The following VAV2 variants were observed in gnomAD, a reference collection of about 807,000 sequenced individuals.
VAV2 encodes guanine nucleotide exchange factor VAV2.
In VAV2, 67 loss-of-function variants were observed where a neutral mutation model predicts 132.5. That is an observed-to-expected ratio of 0.51 (90% CI 0.42 to 0.62). The LOEUF (loss-of-function observed/expected upper bound fraction) is 0.62, where lower values mean the gene tolerates loss of function less well. Among genes scored for constraint, VAV2 ranks in the 20% least tolerant of loss-of-function variants. The pLI is 0.00. For synonymous variants in VAV2, 492 were observed against 443.5 expected (o/e 1.11, Z -1.37); for missense variants, 938 against 1,153.6 (o/e 0.81, Z 2.71).
At chr9:133,964,030 T>TAC (rs1208073515) in intron 1 of VAV2, among the ~76,000 whole-genome samples, 1 of 80,970 alleles carries the variant, frequency 1.2e-5, no homozygotes, top group Non-Finnish European at 2.6e-5. Context: ...TTCATATATA[T>TAC]ATATATATAT....
intron 26 of VAV2, among the ~76,000 whole-genome samples, chr9:133,771,186 C>T (rs1473302540): frequency 1.3e-5 from 2 of 151,554 alleles, no homozygotes; most frequent in Non-Finnish European, 2.9e-5. Context: ...GCCTCAGCCT[C>T]CCAAGTAGGG....
intron 2 of VAV2, among the ~76,000 whole-genome samples, chr9:133,922,765 G>A (rs1259020760): frequency 1.3e-5 from 2 of 152,092 alleles, no homozygotes; most frequent in African/African-American, 2.4e-5. Flanking sequence ...CAAAAACATA[G>A]GGGAAAAGTT....
chr9:133,799,010 CTG>C (rs1834829337), intron 9 of VAV2, among the ~76,000 whole-genome samples: 1 of 152,234 alleles, frequency 6.6e-6, no homozygotes, highest in African/African-American at 2.4e-5. Context: ...ATCATGAGAG[CTG>C]CTTTGCCGTA....
chr9:133,942,945 C>T (rs1036664514), intron 1 of VAV2, among the ~76,000 whole-genome samples: 2 of 152,230 alleles, frequency 1.3e-5, no homozygotes, highest in African/African-American at 4.8e-5. Flanking sequence ...GGCTCCACCT[C>T]GAGGGAGGCC....
chr9:133,782,560 TC>T, intron 19 of VAV2, among the ~76,000 whole-genome samples: 1 of 152,294 alleles, frequency 6.6e-6, no homozygotes, highest in Admixed American at 6.5e-5. Context: ...TAACCATTGA[TC>T]TAAAATCACA....
chr9:133,766,138 C>G (rs1265938424), intron 29 of VAV2, among the ~76,000 whole-genome samples: 1 of 152,002 alleles, frequency 6.6e-6, no homozygotes, highest in Non-Finnish European at 1.5e-5. Flanking sequence ...AATGGGGAGC[C>G]CTGGGAAAGG....
At chr9:133,898,573 G>A (rs537579380) in intron 2 of VAV2, among the ~76,000 whole-genome samples, 10 of 152,126 alleles carry the variant, frequency 6.6e-5, no homozygotes, top group South Asian at 2.1e-4. Flanking sequence ...CAGCCTGGGC[G>A]ACACAGCGAG....
chr9:133,908,539 A>G (rs1264503119), intron 2 of VAV2, among the ~76,000 whole-genome samples: 2 of 103,818 alleles, frequency 1.9e-5, no homozygotes, highest in Non-Finnish European at 4.0e-5. Flanking sequence ...CCTGGTGTCC[A>G]CCCCCAGCCC....
Position 133,770,463 on chromosome 9 carries a change from C to G in VAV2, c.2262G>C (p.Glu754Asp), listed in dbSNP as rs762875117. The change falls in exon 27 of 30, where the codon GAG (glutamate) becomes GAC (aspartate). Residue 754 changes from glutamate to aspartate, a missense_variant. By Grantham distance (45) the Glu-to-Asp change is conservative. Coordinates refer to ENST00000371850, the MANE Select transcript of VAV2 (RefSeq NM_001134398.2). ...GTGTGGTGTCCAGCTGCTTGAAGCT[C>G]TCCTTCAGTGAGTGGCACTGGTAGT... ...VEYYQCHSLKESFKQLDTTLK... is the reference protein window; with the variant it reads ...VEYYQCHSLKDSFKQLDTTLK... The G allele has an allele frequency of 6.2e-7, 1 of 1,614,012 alleles. No individual in the cohort carries two copies. The highest frequency in any genetic ancestry group is 1.3e-5 in the African/African-American group (1 of 74,932).
chr9:133,807,477 G>T, intron 7 of VAV2, 151 bp from the exon 8 acceptor site: 2 of 741,904 alleles, frequency 2.7e-6, no homozygotes, highest in Non-Finnish European at 2.1e-6. Context: ...GCCACATCGG[G>T]CTCCATTCTT....
intron 2 of VAV2, among the ~76,000 whole-genome samples, chr9:133,937,298 G>T (rs1188512182): frequency 6.6e-6 from 1 of 152,082 alleles, no homozygotes; most frequent in African/African-American, 2.4e-5. Flanking sequence ...GAATGTGTGT[G>T]TGTTAAGTTG....
At chr9:133,856,994 C>T (rs960560824) in intron 3 of VAV2, among the ~76,000 whole-genome samples, 7 of 152,172 alleles carry the variant, frequency 4.6e-5, no homozygotes, top group African/African-American at 1.2e-4. Context: ...AGAGCAACCC[C>T]GCGAGGCAGA....
chr9:133,860,352 T>C (rs1588279715), intron 3 of VAV2, among the ~76,000 whole-genome samples: 1 of 151,928 alleles, frequency 6.6e-6, no homozygotes, highest in East Asian at 1.9e-4. Context: ...AAAACCTCAA[T>C]TCAAAGGAAT....
intron 3 of VAV2, among the ~76,000 whole-genome samples, chr9:133,838,050 G>C (rs1342721736): frequency 6.6e-6 from 1 of 152,156 alleles, no homozygotes; most frequent in Non-Finnish European, 1.5e-5. Flanking sequence ...ACCGTGCACG[G>C]CCTCAGCGCC....
At chr9:133,937,928 C>T (rs150160994) in intron 2 of VAV2, among the ~76,000 whole-genome samples, 184 of 152,310 alleles carry the variant, frequency 1.2e-3, no homozygotes, top group Middle Eastern at 0.01. Context: ...CCAGATCTCA[C>T]GTCTGGAGAA....
At chr9:133,886,818 G>A (rs182916873) in intron 2 of VAV2, among the ~76,000 whole-genome samples, 175 of 152,380 alleles carry the variant, frequency 1.1e-3, no homozygotes, top group African/African-American at 3.9e-3. Flanking sequence ...ACAAAAGCCT[G>A]TGTTCATAAT....
chr9:133,868,676 G>A (rs1015742870), intron 2 of VAV2, among the ~76,000 whole-genome samples: 1 of 152,240 alleles, frequency 6.6e-6, no homozygotes, highest in Non-Finnish European at 1.5e-5. Context: ...TATGACTTTA[G>A]AAGACACTCA....
At position 133,892,551 on chromosome 9, in the gene VAV2, G is replaced by A. The variant is rs112355199; in HGVS notation, c.322-31119C>T. 9.9e-3 allele frequency among the ~76,000 whole-genome samples: 1,500 copies of A among 152,156 alleles called. 13 individuals are homozygous for A. Among genetic ancestry groups the A allele is most frequent in the Middle Eastern group, 0.024 (7 of 294 alleles). On this transcript the variant is annotated intron_variant, in intron 2 of 29. Transcript: ENST00000371850. Reference sequence around the variant, plus strand: ...AAAATCAATCTGCATCAATCCCTGGGCCCCATGCAGGGCTCGGCCAAAGGG... The same window carrying A: ...AAAATCAATCTGCATCAATCCCTGGACCCCATGCAGGGCTCGGCCAAAGGG...
intron 4 of VAV2, among the ~76,000 whole-genome samples, chr9:133,814,396 C>T (rs1370794763): frequency 1.3e-5 from 2 of 152,236 alleles, no homozygotes; most frequent in African/African-American, 2.4e-5. Flanking sequence ...GTTTCCGTCA[C>T]GTGGCAGAGC....
Sources: gnomAD v4.1 joint callset for allele counts (sites outside exome capture counted in the v4.1 genomes callset) on GRCh38, gnomAD v4.1.1 for gene constraint, MANE v1.5 for transcripts, NCBI Gene and HGNC (gene_info 2026-07-23, HGNC 2026-07-21) for gene names.